GRIN2B: variants seen among roughly 807,000 people sequenced by gnomAD.
GRIN2B encodes glutamate ionotropic receptor NMDA type subunit 2B, also known as glutamate receptor ionotropic, NMDA 2B.
GRIN2B carries 5 observed loss-of-function variants against 114.5 expected under a neutral mutation model. The observed-to-expected ratio is 0.04, with a 90% CI of 0.02 to 0.09. The LOEUF is 0.09. Among genes scored for constraint, GRIN2B ranks in the 10% least tolerant of loss-of-function variants. GRIN2B has a pLI of 1.00. For synonymous variants in GRIN2B, 787 were observed against 745.1 expected (o/e 1.06, Z -0.92); for missense variants, 1,108 against 1,943.5 (o/e 0.57, Z 8.08).
chr12:13,957,137 A>G (rs953475610), intron 2 of GRIN2B, among the ~76,000 whole-genome samples: 4 of 152,024 alleles, frequency 2.6e-5, no homozygotes, highest in African/African-American at 4.8e-5. Flanking sequence ...CCATCAACCT[A>G]TTGCTTCCAT....
intron 1 of GRIN2B, among the ~76,000 whole-genome samples, chr12:13,981,043 G>A (rs904203883): frequency 1.6e-4 from 25 of 152,272 alleles, no homozygotes; most frequent in African/African-American, 6.0e-4. Context: ...TGGACGGATG[G>A]GCTCGGCGCG....
intron 5 of GRIN2B, among the ~76,000 whole-genome samples, chr12:13,645,536 C>T (rs941867321): frequency 6.6e-5 from 10 of 151,930 alleles, no homozygotes; most frequent in Non-Finnish European, 1.5e-4. Flanking sequence ...CTTGCTCTAC[C>T]CAGGACTGCC....
intron 4 of GRIN2B, among the ~76,000 whole-genome samples, chr12:13,710,052 C>T (rs1565509032): frequency 6.6e-6 from 1 of 151,946 alleles, no homozygotes; most frequent in East Asian, 1.9e-4. Context: ...ACAATAAATT[C>T]TGTTATATTC....
chr12:13,760,606 C>T (rs1863661880), intron 3 of GRIN2B, among the ~76,000 whole-genome samples: 1 of 152,148 alleles, frequency 6.6e-6, no homozygotes, highest in African/African-American at 2.4e-5. Flanking sequence ...TGAGGACAAT[C>T]TGTGTCTGAA....
chr12:13,745,810 G>T (rs1272211174), intron 4 of GRIN2B, among the ~76,000 whole-genome samples: 1 of 152,194 alleles, frequency 6.6e-6, no homozygotes, highest in Non-Finnish European at 1.5e-5. Flanking sequence ...GATCAGGTCA[G>T]TCTGGCATCA....
At chr12:13,951,347 C>A (rs1867475114) in intron 2 of GRIN2B, among the ~76,000 whole-genome samples, 1 of 152,116 alleles carries the variant, frequency 6.6e-6, no homozygotes, top group African/African-American at 2.4e-5. Flanking sequence ...GCAGTCTCTG[C>A]CTGGTAGACA....
intron 5 of GRIN2B, among the ~76,000 whole-genome samples, chr12:13,658,438 G>A (rs2300236): frequency 0.41 from 62,512 of 151,868 alleles, 15,089 homozygotes; most frequent in East Asian, 0.81. Context: ...AAATGAAAAC[G>A]AAACAGGATT....
rs183202016 is a variant in GRIN2B at position 13,546,044 on chromosome 12, G to A, written c.*16739C>T. ...ACAACCTAGTGATTTCACTGGAGAT[G>A]GGAAGATATAATTTTATTTAACAGA... On this transcript the variant is annotated 3_prime_UTR_variant, in exon 14 of 14. Transcript: ENST00000609686. The A allele has an allele frequency of 7.5e-4, 114 of 152,196 alleles. No individual in the cohort carries two copies. Among genetic ancestry groups the A allele is most frequent in the African/African-American group, 2.6e-3 (109 of 41,536 alleles). 9.4% of individuals were successfully genotyped at this position (152,196 alleles called of 1,614,324 possible).
chr12:13,657,127 A>G (rs1159444216), intron 5 of GRIN2B, among the ~76,000 whole-genome samples: 1 of 152,212 alleles, frequency 6.6e-6, no homozygotes, highest in Non-Finnish European at 1.5e-5. Context: ...CAGTCAGCTG[A>G]CTGACTGCAA....
intron 3 of GRIN2B, among the ~76,000 whole-genome samples, chr12:13,761,854 ATTAAAC>A (rs1863685674): frequency 1.3e-5 from 2 of 152,354 alleles, no homozygotes; most frequent in South Asian, 4.1e-4. Flanking sequence ...GTGTGTACAT[ATTAAAC>A]TAAGTGTTAA....
chr12:13,607,901 A>G (rs1054331685), intron 10 of GRIN2B, among the ~76,000 whole-genome samples: 1 of 152,156 alleles, frequency 6.6e-6, no homozygotes, highest in Admixed American at 6.5e-5. Context: ...CAGATCTCCC[A>G]TGGAAAATGT....
chr12:13,562,673 AAAGGAG>A lies in GRIN2B; in HGVS notation c.*104_*109del. On this transcript the variant is annotated 3_prime_UTR_variant, in exon 14 of 14. Transcript: ENST00000609686. ...GATCCCATAAATAAATTAAAACAAG[AAAGGAG>A]CAAATGGGAACCAAGTTCACCCCCG... The A allele has an allele frequency of 6.4e-6, 6 of 944,742 alleles. No homozygotes were observed. Among genetic ancestry groups the A allele is most frequent in the Non-Finnish European group, 1.0e-5 (6 of 578,890 alleles). 58.5% of individuals were successfully genotyped at this position (944,742 alleles called of 1,614,324 possible). A position where few individuals can be genotyped will look rare whatever the true frequency, so the allele number is the denominator to read the frequency against.
chr12:13,806,024 T>A (rs1025439605), intron 3 of GRIN2B, among the ~76,000 whole-genome samples: 1 of 152,198 alleles, frequency 6.6e-6, no homozygotes, highest in Non-Finnish European at 1.5e-5. Context: ...CAAAATGTCC[T>A]CCAGATTCAT....
chr12:13,815,448 C>T (rs1009837689), intron 3 of GRIN2B, among the ~76,000 whole-genome samples: 25 of 151,384 alleles, frequency 1.7e-4, no homozygotes, highest in African/African-American at 5.3e-4. Flanking sequence ...GAGAAATTCA[C>T]AAGTTCCTTG....
At position 13,563,387 on chromosome 12, in the gene GRIN2B, C is replaced by T; in HGVS notation, c.3851G>A (p.Ser1284Asn). Residue 1284 changes from serine (S) to asparagine (N), a missense_variant, in exon 14 of 14, where the codon AGC (serine) becomes AAC (asparagine). By Grantham distance (46) the Ser-to-Asn change is conservative. Transcript: ENST00000609686. Reference protein sequence around the residue: ...SNASTTKYPQSPTNSKAQKKN... With the variant: ...SNASTTKYPQNPTNSKAQKKN... ...CTTCTGGGCCTTGGAATTAGTCGGGCTCTGAGGGTACTTAGTGGTGGAGGC... is the reference window on the plus strand; with the variant it reads ...CTTCTGGGCCTTGGAATTAGTCGGGTTCTGAGGGTACTTAGTGGTGGAGGC... 1 of 1,614,164 alleles carries T rather than the reference C, an allele frequency of 6.2e-7. No homozygotes were observed. Among genetic ancestry groups the T allele is most frequent in the Non-Finnish European group, 8.5e-7 (1 of 1,180,030 alleles).
chr12:13,902,086 C>A lies in GRIN2B; in HGVS notation c.-18-35860G>T, dbSNP rs549040984. On this transcript the variant is annotated intron_variant, in intron 2 of 13. Transcript: ENST00000609686. ...TGTATACCCTTGCAAAAATGTTACA[C>A]CATTCAGCTTTAAAATAATCCAATC... is the stretch of plus-strand genomic sequence containing the variant. 2.0e-5 allele frequency among the ~76,000 whole-genome samples: 3 copies of A among 152,148 alleles called. 1 individual carries two copies. Among genetic ancestry groups the A allele is most frequent in the African/African-American group, 7.2e-5 (3 of 41,538 alleles).
Position 13,611,543 on chromosome 12 carries a change from T to C in GRIN2B, c.1780+182A>G, listed in dbSNP as rs540889329. On this transcript the variant is annotated intron_variant, in intron 9 of 13. Coordinates refer to ENST00000609686, the MANE Select transcript of GRIN2B (RefSeq NM_000834.5). ...ATAAAGCAGACCTATAGATTCAAACTAACATCTTAACTGGGGTATTTCTAA... is the reference window on the plus strand; with the variant it reads ...ATAAAGCAGACCTATAGATTCAAACCAACATCTTAACTGGGGTATTTCTAA... Among the ~76,000 whole-genome samples the C allele has an allele frequency of 1.3e-3, 193 of 152,298 alleles. 1 individual carries two copies. Among genetic ancestry groups the C allele is most frequent in the African/African-American group, 4.1e-3 (171 of 41,560 alleles).
chr12:13,927,367 G>GT (rs1389502760), intron 2 of GRIN2B, among the ~76,000 whole-genome samples: 2 of 152,036 alleles, frequency 1.3e-5, no homozygotes, highest in African/African-American at 2.4e-5. Flanking sequence ...GGCTAGAAAT[G>GT]TTTTTTTCTG....
At chr12:13,636,619 G>C (rs1297059650) in intron 5 of GRIN2B, among the ~76,000 whole-genome samples, 7 of 152,144 alleles carry the variant, frequency 4.6e-5, no homozygotes, top group Admixed American at 4.6e-4. Flanking sequence ...TGGGTTGAGA[G>C]AAAGAGAGAA....
Sources: gnomAD v4.1 joint callset for allele counts (sites outside exome capture counted in the v4.1 genomes callset) on GRCh38, gnomAD v4.1.1 for gene constraint, MANE v1.5 for transcripts, NCBI Gene and HGNC (gene_info 2026-07-23, HGNC 2026-07-21) for gene names.